SNRPN: variants seen among roughly 807,000 people sequenced by gnomAD.
The protein encoded by SNRPN is small nuclear ribonucleoprotein polypeptide N, also known as small nuclear ribonucleoprotein-associated protein N.
In SNRPN, 7 loss-of-function variants were observed where a neutral mutation model predicts 25.2. That is an observed-to-expected ratio of 0.28 (90% CI 0.16 to 0.52). SNRPN has a LOEUF of 0.52. Ranked by LOEUF, SNRPN falls within the 20% of genes least tolerant of loss-of-function variation. The pLI is 0.96. For missense variants in SNRPN, 196 were observed against 322.5 expected (o/e 0.61, Z 3.00); for synonymous variants, 124 against 110.6 (o/e 1.12, Z -0.76).
At chr15:24,963,561 G>A (rs1433555225) in intron 2 of SNRPN, among the ~76,000 whole-genome samples, 1 of 151,202 alleles carries the variant, frequency 6.6e-6, no homozygotes, top group Non-Finnish European at 1.5e-5. Flanking sequence ...GTTGCAATGA[G>A]CTAAGATGGC....
At chr15:24,912,150 A>T (rs1434248108) in intron 2 of SNRPN, among the ~76,000 whole-genome samples, 9 of 151,994 alleles carry the variant, frequency 5.9e-5, no homozygotes. Context: ...TATTTCCTCC[A>T]CCAACCTTTT....
intron 1 of SNRPN, among the ~76,000 whole-genome samples, chr15:24,880,996 A>G (rs1291006952): frequency 2.6e-5 from 4 of 152,164 alleles, no homozygotes; most frequent in African/African-American, 4.8e-5. Context: ...AAACAAAATT[A>G]TATTCGCTTT....
chr15:24,825,140 T>C (rs2049988794), intron 1 of SNRPN, among the ~76,000 whole-genome samples: 1 of 152,054 alleles, frequency 6.6e-6, no homozygotes, highest in Admixed American at 6.5e-5. Flanking sequence ...GAGCTTTGTT[T>C]GCCAGGCAAT....
chr15:24,855,660 C>T (rs1348111800), upstream of SNRPN, among the ~76,000 whole-genome samples: 3 of 151,948 alleles, frequency 2.0e-5, no homozygotes, highest in Non-Finnish European at 2.9e-5. Flanking sequence ...GGCATGCTGG[C>T]GGGCACCTGT....
chr15:24,889,604 C>A (rs1466343048), intron 2 of SNRPN, among the ~76,000 whole-genome samples: 1 of 151,992 alleles, frequency 6.6e-6, no homozygotes, highest in African/African-American at 2.4e-5. Flanking sequence ...CGTGCCCGGC[C>A]CTAACACGAA....
chr15:24,847,279 G>GA (rs1177885051), intron 2 of SNRPN, among the ~76,000 whole-genome samples: 3 of 151,718 alleles, frequency 2.0e-5, no homozygotes, highest in African/African-American at 4.8e-5. Flanking sequence ...CAAGAGGCGG[G>GA]AAAAAAAAGG....
intron 1 of SNRPN, among the ~76,000 whole-genome samples, chr15:24,869,459 C>A (rs967005716): frequency 2.0e-5 from 3 of 152,024 alleles, no homozygotes; most frequent in East Asian, 1.9e-4. Context: ...TCCAGGATTC[C>A]CTCCAGGAGA....
At chr15:24,957,443 C>T (rs1205344399) in intron 1 of SNRPN, among the ~76,000 whole-genome samples, 2 of 152,160 alleles carry the variant, frequency 1.3e-5, no homozygotes, top group Non-Finnish European at 2.9e-5. Context: ...GGAGCTACTA[C>T]AAAAATTTGG....
At chr15:24,841,757 T>G (rs980220429) in intron 2 of SNRPN, among the ~76,000 whole-genome samples, 1 of 152,184 alleles carries the variant, frequency 6.6e-6, no homozygotes, top group African/African-American at 2.4e-5. Flanking sequence ...AGCCTGACTC[T>G]TCCCATCTTC....
intron 3 of SNRPN, among the ~76,000 whole-genome samples, chr15:24,927,103 TC>T (rs1177507861): frequency 1.3e-5 from 2 of 151,996 alleles, no homozygotes; most frequent in Non-Finnish European, 2.9e-5. Flanking sequence ...TCTCCTTCCC[TC>T]CCTCTTTCAT....
At chr15:24,976,201 G>A (rs929181547) in intron 5 of SNRPN, 104 bp from the exon 6 acceptor site, 2 of 870,910 alleles carry the variant, frequency 2.3e-6, no homozygotes, top group African/African-American at 3.3e-5. Context: ...CTCAGTAAAT[G>A]TTTAGCATCA....
chr15:24,930,300 C>A (rs148047117), intron 3 of SNRPN, among the ~76,000 whole-genome samples: 1 of 146,920 alleles, frequency 6.8e-6, no homozygotes, highest in African/African-American at 2.5e-5. Context: ...TATTAGGTTT[C>A]TTTTTATTTC....
chr15:24,875,605 T>C (rs1265569013), intron 1 of SNRPN, among the ~76,000 whole-genome samples: 2 of 152,082 alleles, frequency 1.3e-5, no homozygotes, highest in Non-Finnish European at 2.9e-5. Flanking sequence ...TTTCCCCCCA[T>C]TGAACTTTAA....
chr15:24,909,391 G>A, intron 2 of SNRPN: 2 of 1,599,306 alleles, frequency 1.3e-6, no homozygotes, highest in East Asian at 2.2e-5. Context: ...CATCCAAATA[G>A]CAGGTAAAGG....
At chr15:24,911,479 T>C (rs1566901162) in intron 2 of SNRPN, among the ~76,000 whole-genome samples, 1 of 152,122 alleles carries the variant, frequency 6.6e-6, no homozygotes, top group South Asian at 2.1e-4. Flanking sequence ...CTGTGGGAAC[T>C]TGGGGCTCAC....
chr15:24,831,091 C>T (rs1226494668), intron 2 of SNRPN, among the ~76,000 whole-genome samples: 3 of 152,118 alleles, frequency 2.0e-5, no homozygotes, highest in African/African-American at 4.8e-5. Context: ...TTCTGCCTCA[C>T]GTAGACTGAT....
intron 1 of SNRPN, among the ~76,000 whole-genome samples, chr15:24,958,211 A>C (rs2063227159): frequency 6.6e-6 from 1 of 152,158 alleles, no homozygotes; most frequent in South Asian, 2.1e-4. Context: ...TGTTTTACAA[A>C]AAATTTTGTT....
At chr15:24,856,219 C>G (rs1291802258), upstream of SNRPN, among the ~76,000 whole-genome samples, 2 of 152,144 alleles carry the variant, frequency 1.3e-5, no homozygotes, top group African/African-American at 4.8e-5. Context: ...CACCAATATT[C>G]TCAGTTGTCC....
rs535136819 is a variant in SNRPN, at chr15:24,916,448, G to A, written c.-504-3563G>A. Among the ~76,000 whole-genome samples the A allele has an allele frequency of 8.5e-5, 13 of 152,178 alleles. No individual in the cohort carries two copies. In the South Asian group the frequency reaches 2.1e-3, roughly 24 times the overall value. On this transcript the variant is annotated intron_variant, in intron 2 of 11. Transcript: ENST00000400097. The stretch of plus-strand genomic sequence containing the variant: ...CTCAGCCTGTAGTCCCAGTTACTTA[G>A]GAGGCTAAGGCAGGAGGATTGCTTG...
Sources: allele counts gnomAD v4.1 joint callset (sites outside exome capture counted in the v4.1 genomes callset), GRCh38; gene constraint gnomAD v4.1.1; transcripts MANE v1.5; gene names NCBI Gene and HGNC (gene_info 2026-07-23, HGNC 2026-07-21).